CARS1: variants seen among roughly 807,000 people sequenced by gnomAD.
CARS1 encodes the protein cysteine--tRNA ligase, cytoplasmic.
Under a neutral mutation model 106.2 loss-of-function variants are expected in CARS1, and 48 were observed. That is an observed-to-expected ratio of 0.45 (90% CI 0.36 to 0.57). The LOEUF is 0.57. Among genes scored for constraint, CARS1 ranks in the 20% least tolerant of loss-of-function variants. The pLI is 0.00. For missense variants in CARS1, 968 were observed against 1,057.2 expected (o/e 0.92, Z 1.17); for synonymous variants, 409 against 403.4 (o/e 1.01, Z -0.17).
In CARS1 at chr11:3,028,328, T is replaced by C; in HGVS notation, c.1031+668A>G. ...ACTACCGGTCTCCGCGTCTTGGTGG[T>C]AGTGGTCCCCCGGGCCCAGCTGTCT... On this transcript the variant is annotated intron_variant, in intron 9 of 22. Transcript: ENST00000380525. This position sits in a 1 kb window ranked among gnomAD's most constrained non-coding sequence, Gnocchi z 4.4. The C allele has an allele frequency of 1.9e-5, 10 of 514,644 alleles. No homozygotes were observed. Among genetic ancestry groups the C allele is most frequent in the South Asian group, 1.9e-4 (10 of 51,518 alleles). The allele number at this position is 514,644 out of a possible 1,614,324, so 31.9% of individuals were successfully genotyped here.
chr11:3,048,079 G>T lies in CARS1; in HGVS notation c.26-78C>A, dbSNP rs747478483. ...GCCGCCAGAAAGACAGGGACTAGGG[G>T]ATGGCACAGAACCAAGGAAAAAGGT... On this transcript the variant is annotated intron_variant, in intron 1 of 22. Transcript: ENST00000380525. The surrounding 1 kb of genome is among the most constrained non-coding windows in gnomAD (Gnocchi z 5.1). 2 of 1,547,588 alleles carry T rather than the reference G, an allele frequency of 1.3e-6. No individual in the cohort carries two copies. The highest frequency in any genetic ancestry group is 1.8e-6 in the Non-Finnish European group (2 of 1,139,926).
rs750257282 is a variant in CARS1, at chr11:3,038,127, C to G, written c.724G>C (p.Val242Leu). 12 of 1,614,068 alleles carry G rather than the reference C, an allele frequency of 7.4e-6. No homozygotes were observed. In the East Asian group the frequency reaches 2.4e-4, roughly 33 times the overall value. The change falls in exon 7 of 23, where the codon GTG (valine) becomes CTG (leucine). Residue 242 changes from valine to leucine, a missense_variant. By Grantham distance (32) the Val-to-Leu change is conservative (BLOSUM62 1). Coordinates refer to ENST00000380525, the MANE Select transcript of CARS1 (RefSeq NM_001014437.3). This position sits in a 1 kb window ranked among gnomAD's most constrained non-coding sequence, Gnocchi z 4.0. ...TCAAGTGGCTCTGTGGCAAGCTGCACTGCGTGCTGAATCCGTTCGAGCATC... is the reference window on the plus strand; with the variant it reads ...TCAAGTGGCTCTGTGGCAAGCTGCAGTGCGTGCTGAATCCGTTCGAGCATC... ...KQMLERIQHA[V>L]QLATEPLEKA...
rs1368131164 is a variant in CARS1 at position 3,046,996 on chromosome 11, G to C, written c.274+757C>G. Among the ~76,000 whole-genome samples, 1 of 152,120 alleles carries C rather than the reference G, an allele frequency of 6.6e-6. No homozygotes were observed. Among genetic ancestry groups the C allele is most frequent in the Non-Finnish European group, 1.5e-5 (1 of 68,026 alleles). Reference sequence around the variant, plus strand: ...TCTGATTTTTAAAAAGTTCAATGCCGGCCGGGCGCGGTGGTTCACACTTGT... The same window carrying C: ...TCTGATTTTTAAAAAGTTCAATGCCCGCCGGGCGCGGTGGTTCACACTTGT... On this transcript the variant is annotated intron_variant, in intron 2 of 22. Transcript: ENST00000380525. The surrounding 1 kb of genome is among the most constrained non-coding windows in gnomAD (Gnocchi z 5.8).
chr11:3,017,645 A>C lies in CARS1; in HGVS notation c.1727+212T>G. ...GCAACAAGGGCGAAACTCCGTCTCA[A>C]AAAGAAAAAACAAAAAAGAAATTCT... On this transcript the variant is annotated intron_variant, in intron 15 of 22. Coordinates refer to ENST00000380525, the MANE Select transcript of CARS1 (RefSeq NM_001014437.3). This position sits in a 1 kb window ranked among gnomAD's most constrained non-coding sequence, Gnocchi z 4.9. 1.7e-6 allele frequency: 1 copy of C among 571,704 alleles called. No homozygotes were observed. Among genetic ancestry groups the C allele is most frequent in the Non-Finnish European group, 3.1e-6 (1 of 324,652 alleles). The allele number at this position is 571,704 out of a possible 1,614,324, so 35.4% of individuals were successfully genotyped here.
At position 3,053,265 on chromosome 11, in the gene CARS1, T is replaced by G. The variant is rs1315458014; in HGVS notation, c.25+4078A>C. ...TTTATTTTTTGAGACGGAGTCTCGC[T>G]CGTCACCCAGGCTGGAGTGCAGTGG... On this transcript the variant is annotated intron_variant, in intron 1 of 22. Transcript: ENST00000380525. The surrounding 1 kb of genome is among the most constrained non-coding windows in gnomAD (Gnocchi z 6.6). Among the ~76,000 whole-genome samples the G allele has an allele frequency of 6.6e-6, 1 of 152,162 alleles. No individual in the cohort carries two copies. The highest frequency in any genetic ancestry group is 2.4e-5 in the African/African-American group (1 of 41,440).
At position 3,029,451 on chromosome 11, in the gene CARS1, G is replaced by C; in HGVS notation, c.802-8C>G. 6.2e-7 allele frequency: 1 copy of C among 1,612,984 alleles called. No homozygotes were observed. The highest frequency in any genetic ancestry group is 8.5e-7 in the Non-Finnish European group (1 of 1,179,680). ...GGCTTCTTCCAGCAACACCTGAAGAGAAAGAAACAAAAATCCAGCAGCGGG... is the reference window on the plus strand; with the variant it reads ...GGCTTCTTCCAGCAACACCTGAAGACAAAGAAACAAAAATCCAGCAGCGGG... On this transcript the variant is annotated splice_polypyrimidine_tract_variant and splice_region_variant and intron_variant, in intron 7 of 22. Coordinates refer to ENST00000380525, the MANE Select transcript of CARS1 (RefSeq NM_001014437.3). The surrounding 1 kb of genome is among the most constrained non-coding windows in gnomAD (Gnocchi z 5.9).
Position 3,017,012 on chromosome 11 carries a change from G to T in CARS1, c.1917+94C>A. On this transcript the variant is annotated intron_variant, in intron 16 of 22. Coordinates refer to ENST00000380525, the MANE Select transcript of CARS1 (RefSeq NM_001014437.3). This position sits in a 1 kb window ranked among gnomAD's most constrained non-coding sequence, Gnocchi z 4.9. ...GGTGCTGGGCACCAGGCACAGCACT[G>T]GGGGGCACCAGAGGCCTCTGTTCTC... is the stretch of plus-strand genomic sequence containing the variant. 21 of 1,048,186 alleles carry T rather than the reference G, an allele frequency of 2.0e-5. 1 individual carries two copies. The South Asian group carries it at 3.3e-4, about 16-fold the overall frequency. The allele number at this position is 1,048,186 out of a possible 1,614,324, so 64.9% of individuals were successfully genotyped here.
At chr11:3,018,589 T>C in intron 13 of CARS1, 31 bp downstream of exon 13, 1 of 1,613,422 alleles carries the variant, frequency 6.2e-7, no homozygotes, top group Non-Finnish European at 8.5e-7. Context: ...AGAAGGTGGT[T>C]GGGGGGTCTG....
rs1479664451 is a variant in CARS1 at position 3,034,809 on chromosome 11, C to T, written c.801+3241G>A. On this transcript the variant is annotated intron_variant, in intron 7 of 22. Transcript: ENST00000380525. This position sits in a 1 kb window ranked among gnomAD's most constrained non-coding sequence, Gnocchi z 6.3. ...TCAGCCTCCCAAAGTGCTGGGATTA[C>T]AGGCATGAGCCACGATGCCCTGCCT... 6.6e-6 allele frequency among the ~76,000 whole-genome samples: 1 copy of T among 152,198 alleles called. No individual in the cohort carries two copies. The highest frequency in any genetic ancestry group is 1.5e-5 in the Non-Finnish European group (1 of 68,038).
rs1852663643 is a variant in CARS1 at position 3,030,863 on chromosome 11, T to A, written c.802-1420A>T. 1 of 152,066 alleles carries A rather than the reference T, an allele frequency of 6.6e-6. No individual in the cohort carries two copies. The highest frequency in any genetic ancestry group is 1.5e-5 in the Non-Finnish European group (1 of 68,006). The allele number at this position is 152,066 out of a possible 1,614,324, so 9.4% of individuals were successfully genotyped here. A position where few individuals can be genotyped will look rare whatever the true frequency, so the allele number is the denominator to read the frequency against. On this transcript the variant is annotated intron_variant, in intron 7 of 22. Coordinates refer to ENST00000380525, the MANE Select transcript of CARS1 (RefSeq NM_001014437.3). This position sits in a 1 kb window ranked among gnomAD's most constrained non-coding sequence, Gnocchi z 5.7. ...TGAAATCTATTAACAGGCGAAACAG[T>A]CTTATCCATCCTACTGAGTGACTGT...
rs1012992134 is a variant in CARS1 at position 3,040,695 on chromosome 11, G to A, written c.455+201C>T. 2.2e-5 allele frequency: 15 copies of A among 695,396 alleles called. No individual in the cohort carries two copies. The highest frequency in any genetic ancestry group is 1.4e-4 in the African/African-American group (8 of 56,938). 43.1% of individuals were successfully genotyped at this position (695,396 alleles called of 1,614,324 possible). ...CTTTTTGGTGATCTGTAGTCTTTCT[G>A]CAGTGAATATAGATTACTTATGGCA... On this transcript the variant is annotated intron_variant, in intron 4 of 22. Coordinates refer to ENST00000380525, the MANE Select transcript of CARS1 (RefSeq NM_001014437.3). The surrounding 1 kb of genome is among the most constrained non-coding windows in gnomAD (Gnocchi z 5.8).
At position 3,022,560 on chromosome 11, in the gene CARS1, T is replaced by C. The variant is rs1452913652; in HGVS notation, c.1154-2228A>G. Among the ~76,000 whole-genome samples, 7 of 152,242 alleles carry C rather than the reference T, an allele frequency of 4.6e-5. No individual in the cohort carries two copies. The highest frequency in any genetic ancestry group is 1.7e-4 in the African/African-American group (7 of 41,456). ...TGTGCATTGGGCAACAGACCTATTA[T>C]GGTTACAACACAATGTCTTTCAAGT... On this transcript the variant is annotated intron_variant, in intron 10 of 22. Transcript: ENST00000380525. The surrounding 1 kb of genome is among the most constrained non-coding windows in gnomAD (Gnocchi z 4.9).
intron 18 of CARS1, among the ~76,000 whole-genome samples, chr11:3,009,845 T>C (rs552656167): frequency 1.3e-5 from 2 of 152,304 alleles, no homozygotes; most frequent in East Asian, 1.9e-4. Context: ...ACACTCACTT[T>C]CTCTTTGGCC....
intron 7 of CARS1, among the ~76,000 whole-genome samples, chr11:3,033,143 T>C (rs1388508431): frequency 2.0e-5 from 3 of 152,166 alleles, no homozygotes; most frequent in Admixed American, 2.0e-4. Context: ...TTTTTGTTTT[T>C]TTAAGAAACT....
In CARS1 at chr11:3,032,699, G is replaced by A. The variant is rs144961691; in HGVS notation, c.802-3256C>T. ...CCAAGTATGTGACATTCTGGGAAAG[G>A]CAAAACTACGGAGACAGTAGAAAGA... On this transcript the variant is annotated intron_variant, in intron 7 of 22. Transcript: ENST00000380525. Among the ~76,000 whole-genome samples the A allele has an allele frequency of 4.5e-3, 687 of 152,132 alleles. 18 individuals are homozygous for A. The East Asian group carries it at 0.057, about 13-fold the overall frequency.
In CARS1 at chr11:3,039,160, G is replaced by A; in HGVS notation, c.651+34C>T. 1 of 1,353,268 alleles carries A rather than the reference G, an allele frequency of 7.4e-7. No homozygotes were observed. The highest frequency in any genetic ancestry group is 1.8e-4 in the Middle Eastern group (1 of 5,532). The allele number at this position is 1,353,268 out of a possible 1,614,324, so 83.8% of individuals were successfully genotyped here. On this transcript the variant is annotated intron_variant, in intron 6 of 22. Coordinates refer to ENST00000380525, the MANE Select transcript of CARS1 (RefSeq NM_001014437.3). This position sits in a 1 kb window ranked among gnomAD's most constrained non-coding sequence, Gnocchi z 5.6. ...AAGGACCGAGAACAGAAAGCAAAGG[G>A]CTCGGTTTCTAGAGCAGACAGCAAG...
At chr11:3,015,112 T>C (rs1590355504) in intron 17 of CARS1, among the ~76,000 whole-genome samples, 1 of 152,202 alleles carries the variant, frequency 6.6e-6, no homozygotes, top group Non-Finnish European at 1.5e-5. Context: ...ACAGTGTGTG[T>C]CTGCTCACAT....
intron 10 of CARS1, among the ~76,000 whole-genome samples, chr11:3,025,947 G>T (rs1246423705): frequency 6.6e-6 from 1 of 152,098 alleles, no homozygotes; most frequent in Non-Finnish European, 1.5e-5. Context: ...AGGCCCCAGG[G>T]GCCACTATGT....
intron 18 of CARS1, among the ~76,000 whole-genome samples, chr11:3,011,531 G>A (rs1353030328): frequency 3.9e-5 from 6 of 152,070 alleles, no homozygotes; most frequent in East Asian, 1.9e-4. Flanking sequence ...GAAGAATGGC[G>A]TGAACCCGGG....
Sources: gnomAD v4.1 joint callset for allele counts (sites outside exome capture counted in the v4.1 genomes callset) on GRCh38, gnomAD v4.1.1 for gene constraint, Gnocchi (gnomAD v3.1) non-coding constraint, MANE v1.5 for transcripts, NCBI Gene and HGNC (gene_info 2026-07-23, HGNC 2026-07-21) for gene names.